Variants in KCNQ1 observed in about 807,000 individuals in gnomAD.
KCNQ1 encodes potassium voltage-gated channel subfamily KQT member 1.
KCNQ1 carries 49 observed loss-of-function variants against 72.4 expected under a neutral mutation model. The observed-to-expected ratio is 0.68, with a 90% CI of 0.54 to 0.86. The LOEUF (loss-of-function observed/expected upper bound fraction) is 0.86. Ranked by LOEUF, KCNQ1 falls within the 40% of genes least tolerant of loss-of-function variation. The pLI, the probability that KCNQ1 is intolerant of heterozygous loss-of-function variation, is 0.00. For missense variants in KCNQ1, 790 were observed against 945.1 expected, an observed-to-expected ratio of 0.84 and a Z score of 2.15; for synonymous variants, 450 against 412.6, an observed-to-expected ratio of 1.09 and a Z score of -1.10.
chr11:2,790,470 G>A (rs926079904), intron 15 of KCNQ1, among the ~76,000 whole-genome samples: 1 of 152,188 alleles, frequency 6.6e-6, no homozygotes, highest in African/African-American at 2.4e-5. Flanking sequence ...CCTCATCCAG[G>A]TGTGGCCCAT....
intron 15 of KCNQ1, among the ~76,000 whole-genome samples, chr11:2,845,176 C>T (rs902315820): frequency 7.2e-5 from 11 of 152,192 alleles, no homozygotes; most frequent in African/African-American, 1.4e-4. Flanking sequence ...TGAACAAGAA[C>T]GAGACCTCAG....
intron 10 of KCNQ1, among the ~76,000 whole-genome samples, chr11:2,594,051 T>G (rs1564828138): frequency 6.6e-6 from 1 of 152,240 alleles, no homozygotes; most frequent in Non-Finnish European, 1.5e-5. Flanking sequence ...ATTGAGATAT[T>G]TACTCACAGA....
At chr11:2,521,866 G>T (rs1022922857) in intron 1 of KCNQ1, among the ~76,000 whole-genome samples, 1 of 152,224 alleles carries the variant, frequency 6.6e-6, no homozygotes, top group African/African-American at 2.4e-5. Context: ...ACCACTCAGG[G>T]GCCCTAGTGT....
At chr11:2,517,572 A>T (rs1437009808) in intron 1 of KCNQ1, among the ~76,000 whole-genome samples, 1 of 152,188 alleles carries the variant, frequency 6.6e-6, no homozygotes, top group Non-Finnish European at 1.5e-5. Context: ...CAGGACATCC[A>T]GGCATGTGGC....
intron 11 of KCNQ1, chr11:2,699,841 C>A (rs1850761897): frequency 5.0e-6 from 2 of 396,114 alleles, no homozygotes; most frequent in Non-Finnish European, 8.9e-6. Flanking sequence ...AGGAGGACCG[C>A]GCTGAGGGGC....
chr11:2,552,968 G>T (rs1848005814), intron 2 of KCNQ1, among the ~76,000 whole-genome samples: 1 of 152,160 alleles, frequency 6.6e-6, no homozygotes, highest in Admixed American at 6.5e-5. Context: ...TGCTAGATTT[G>T]TTCCTAAGTA....
In KCNQ1 at chr11:2,446,403, A is replaced by G. The variant is rs1846037686; in HGVS notation, c.386+919A>G. 6.6e-6 allele frequency among the ~76,000 whole-genome samples: 1 copy of G among 152,096 alleles called. No homozygotes were observed. Among genetic ancestry groups the G allele is most frequent in the African/African-American group, 2.4e-5 (1 of 41,408 alleles). On this transcript the variant is annotated intron_variant, in intron 1 of 15. Transcript: ENST00000155840. The surrounding 1 kb of genome is among the most constrained non-coding windows in gnomAD (Gnocchi z 8.8). ...CCTCTACCCAGACATCCCATGGCTGATGGCTGTGGGGCTCACCTGAGGGCT... is the reference window on the plus strand; with the variant it reads ...CCTCTACCCAGACATCCCATGGCTGGTGGCTGTGGGGCTCACCTGAGGGCT...
chr11:2,522,814 C>G (rs75322278), intron 1 of KCNQ1, among the ~76,000 whole-genome samples: 310 of 152,362 alleles, frequency 2.0e-3, no homozygotes, highest in Non-Finnish European at 3.2e-3. Context: ...CTGCCTCAGC[C>G]GCGATTCCAC....
intron 15 of KCNQ1, among the ~76,000 whole-genome samples, chr11:2,836,344 T>C (rs1473807549): frequency 2.0e-5 from 3 of 152,150 alleles, no homozygotes; most frequent in Non-Finnish European, 4.4e-5. Context: ...GGGAGGCCCA[T>C]CTGTCCATCC....
Position 2,768,215 on chromosome 11 carries a change from C to T in KCNQ1, c.1515-629C>T, listed in dbSNP as rs1435688842. On this transcript the variant is annotated intron_variant, in intron 11 of 15. Transcript: ENST00000155840. The surrounding 1 kb of genome is among the most constrained non-coding windows in gnomAD (Gnocchi z 6.7). ...CCATGGCGCTGTGTTTTCTTCCAGTCTTTTTTCTATGCACAGACACATCAT... is the reference window on the plus strand; with the variant it reads ...CCATGGCGCTGTGTTTTCTTCCAGTTTTTTTTCTATGCACAGACACATCAT... 6.6e-6 allele frequency among the ~76,000 whole-genome samples: 1 copy of T among 152,208 alleles called. No homozygotes were observed. The highest frequency in any genetic ancestry group is 1.5e-5 in the Non-Finnish European group (1 of 68,040).
intron 1 of KCNQ1, among the ~76,000 whole-genome samples, chr11:2,456,232 G>A (rs1846189278): frequency 6.6e-6 from 1 of 151,894 alleles, no homozygotes; most frequent in African/African-American, 2.4e-5. Context: ...CAGCTACCCG[G>A]GAAGCTGAGG....
In KCNQ1 at chr11:2,782,461, C is replaced by T. The variant is rs1846839728; in HGVS notation, c.1794+4424C>T. The stretch of plus-strand genomic sequence containing the variant: ...TGGTGTCAAATGTATGTGAGCCTCA[C>T]AGACTAACTTAAGAAGTGTTCCCTC... On this transcript the variant is annotated intron_variant, in intron 15 of 15. Transcript: ENST00000155840. The surrounding 1 kb of genome is among the most constrained non-coding windows in gnomAD (Gnocchi z 6.1). Among the ~76,000 whole-genome samples, 1 of 152,224 alleles carries T rather than the reference C, an allele frequency of 6.6e-6. No individual in the cohort carries two copies. Among genetic ancestry groups the T allele is most frequent in the Non-Finnish European group, 1.5e-5 (1 of 68,052 alleles).
At chr11:2,739,370 G>A (rs901486650) in intron 11 of KCNQ1, among the ~76,000 whole-genome samples, 7 of 152,202 alleles carry the variant, frequency 4.6e-5, no homozygotes, top group African/African-American at 1.2e-4. Context: ...ATGTGCACCC[G>A]GCAGTTGTTT....
At position 2,471,993 on chromosome 11, in the gene KCNQ1, AGT is replaced by A. The variant is rs991972879; in HGVS notation, c.386+26517_386+26518del. On this transcript the variant is annotated intron_variant, in intron 1 of 15. Coordinates refer to ENST00000155840, the MANE Select transcript of KCNQ1 (RefSeq NM_000218.3). This position sits in a 1 kb window ranked among gnomAD's most constrained non-coding sequence, Gnocchi z 4.8. ...GGGTGTGTGTGCACCTATGTGTATAAGTGTGTGTGCACATGTGTATAGGTGTA... is the reference window on the plus strand; with the variant it reads ...GGGTGTGTGTGCACCTATGTGTATAAGTGTGTGCACATGTGTATAGGTGTA... 1.0e-4 allele frequency among the ~76,000 whole-genome samples: 14 copies of A among 135,650 alleles called. No homozygotes were observed. The highest frequency in any genetic ancestry group is 3.7e-4 in the African/African-American group (13 of 35,376). The allele number at this position is 135,650 out of a possible 152,430, so 89.0% of individuals were successfully genotyped here.
chr11:2,704,056 C>G lies in KCNQ1; in HGVS notation c.1514+41975C>G, dbSNP rs543069644. 8.7e-4 allele frequency among the ~76,000 whole-genome samples: 132 copies of G among 152,376 alleles called. 5 individuals are homozygous for G. The South Asian group carries it at 0.026, about 30-fold the overall frequency. On this transcript the variant is annotated intron_variant, in intron 11 of 15. Transcript: ENST00000155840. The surrounding 1 kb of genome is among the most constrained non-coding windows in gnomAD (Gnocchi z 4.3). ...AGGAAGCCTGCTCTTAAGGTCAGCC[C>G]TTGCAGTTGGCAGTCTGTGGCCCCT... is the stretch of plus-strand genomic sequence containing the variant.
rs1849763477 is a variant in KCNQ1, at chr11:2,651,951, A to G, written c.1394-10010A>G. ...TACTCACAGCCCTCCTGCAGCCAGC[A>G]GCAGTGGGGGAGCCAAGCTGAGTTG... On this transcript the variant is annotated intron_variant, in intron 10 of 15. Transcript: ENST00000155840. The surrounding 1 kb of genome is among the most constrained non-coding windows in gnomAD (Gnocchi z 6.1). 1 of 398,614 alleles carries G rather than the reference A, an allele frequency of 2.5e-6. No individual in the cohort carries two copies. Among genetic ancestry groups the G allele is most frequent in the Non-Finnish European group, 4.4e-6 (1 of 226,158 alleles). 24.7% of individuals were successfully genotyped at this position (398,614 alleles called of 1,614,324 possible). A position where few individuals can be genotyped will look rare whatever the true frequency, so the allele number is the denominator to read the frequency against.
At position 2,767,492 on chromosome 11, in the gene KCNQ1, A is replaced by G. The variant is rs1319793111; in HGVS notation, c.1515-1352A>G. On this transcript the variant is annotated intron_variant, in intron 11 of 15. Coordinates refer to ENST00000155840, the MANE Select transcript of KCNQ1 (RefSeq NM_000218.3). The surrounding 1 kb of genome is among the most constrained non-coding windows in gnomAD (Gnocchi z 4.6). ...GGAAGTACCACACCTTTAGATCTGT[A>G]TGATCTCTCTTTTCCCTTGCCTTTT... Among the ~76,000 whole-genome samples, 1 of 152,236 alleles carries G rather than the reference A, an allele frequency of 6.6e-6. No homozygotes were observed. The highest frequency in any genetic ancestry group is 2.4e-5 in the African/African-American group (1 of 41,460).
At chr11:2,639,915 G>C (rs1019983954) in intron 10 of KCNQ1, 2 of 153,322 alleles carry the variant, frequency 1.3e-5, no homozygotes, top group African/African-American at 4.8e-5. Flanking sequence ...GCAATGGCAG[G>C]CTCCCCCAGC....
intron 15 of KCNQ1, among the ~76,000 whole-genome samples, chr11:2,819,048 T>TCCAGGGAG (rs989467286): frequency 1.3e-5 from 2 of 152,206 alleles, no homozygotes; most frequent in Non-Finnish European, 2.9e-5. Context: ...CTGGACATTC[T>TCCAGGGAG]CCAGGGAGAT....
Sources: gnomAD v4.1 joint callset for allele counts (sites outside exome capture counted in the v4.1 genomes callset) on GRCh38, gnomAD v4.1.1 for gene constraint, Gnocchi (gnomAD v3.1) non-coding constraint, MANE v1.5 for transcripts, NCBI Gene and HGNC (gene_info 2026-07-23, HGNC 2026-07-21) for gene names.